The following CHMP5 variants were observed in gnomAD, a reference collection of about 807,000 sequenced individuals.
CHMP5 encodes SNF7 domain containing 2.
A neutral mutation model predicts 33.0 loss-of-function variants in CHMP5; 17 were observed. The ratio of observed to expected loss-of-function variants is 0.52; its 90% CI spans 0.35 to 0.77. The LOEUF (loss-of-function observed/expected upper bound fraction) is 0.77. Ranked by LOEUF, CHMP5 falls within the 30% of genes least tolerant of loss-of-function variation. CHMP5 has a pLI of 0.01. For synonymous variants in CHMP5, 76 were observed against 90.2 expected (o/e 0.84, Z 0.89); for missense variants, 216 against 261.5 (o/e 0.83, Z 1.20).
chr9:33,266,190 C>T (rs1188916243), intron 2 of CHMP5, 76 bp downstream of exon 2: 5 of 948,280 alleles, frequency 5.3e-6, no homozygotes, highest in Admixed American at 2.0e-5. Context: ...GGGCCTAGTT[C>T]GGCTGGGCGC....
intron 2 of CHMP5, among the ~76,000 whole-genome samples, chr9:33,267,109 G>C (rs1242888996): frequency 6.6e-6 from 1 of 152,208 alleles, no homozygotes; most frequent in African/African-American, 2.4e-5. Context: ...GGATAAAGTA[G>C]TACTCAGTAA....
intron 1 of CHMP5, 57 bp from the exon 2 acceptor site, chr9:33,265,953 C>T: frequency 8.9e-7 from 1 of 1,117,420 alleles, no homozygotes; most frequent in Non-Finnish European, 1.4e-6. Context: ...TCTACCTGCC[C>T]CTTCTGGAAT....
chr9:33,275,961 AT>A (rs1820849869), intron 5 of CHMP5, among the ~76,000 whole-genome samples: 1 of 152,222 alleles, frequency 6.6e-6, no homozygotes. Context: ...GTGAGCTGAG[AT>A]TGCACCATTG....
intron 4 of CHMP5, 115 bp from the exon 5 acceptor site, chr9:33,271,037 C>G: frequency 1.2e-6 from 1 of 832,316 alleles, no homozygotes; most frequent in Non-Finnish European, 1.9e-6. Context: ...AGCCATTGCA[C>G]TCCAGCCTGG....
At chr9:33,274,654 C>T (rs1168984945) in intron 5 of CHMP5, among the ~76,000 whole-genome samples, 1 of 152,110 alleles carries the variant, frequency 6.6e-6, no homozygotes, top group African/African-American at 2.4e-5. Flanking sequence ...CTCGCTCTGT[C>T]GCCCAGGCTA....
At position 33,265,124 on chromosome 9, in the gene CHMP5, A is replaced by G. The variant is rs766755613; in HGVS notation, c.46A>G (p.Ser16Gly). ...AGCGAAACCCAAGGCTCCGCCGCCC[A>G]GCCTGACTGACTGCATTGGCACGGT... ...GKAKPKAPPP[S>G]LTDCIGTVDS... The change falls in exon 1 of 8, where the codon AGC becomes GGC. Residue 16 changes from serine to glycine, a missense_variant. Transcript: ENST00000223500. 1.2e-6 allele frequency: 2 copies of G among 1,614,154 alleles called. No individual in the cohort carries two copies. The highest frequency in any genetic ancestry group is 2.2e-5 in the South Asian group (2 of 91,084).
intron 7 of CHMP5, 22 bp downstream of exon 7, chr9:33,278,247 A>C: frequency 7.2e-7 from 1 of 1,397,262 alleles, no homozygotes; most frequent in Non-Finnish European, 1.0e-6. Flanking sequence ...TTCTGTTTAT[A>C]TTTCAATGCA....
At chr9:33,279,577 G>A (rs978143744) in intron 7 of CHMP5, among the ~76,000 whole-genome samples, 3 of 152,054 alleles carry the variant, frequency 2.0e-5, no homozygotes, top group Admixed American at 6.6e-5. Flanking sequence ...ACAAGTCCCT[G>A]TAGCGGCCAG....
chr9:33,270,535 A>T (rs898655342), intron 3 of CHMP5, 88 bp from the exon 4 acceptor site: 112 of 981,140 alleles, frequency 1.1e-4, no homozygotes, highest in African/African-American at 1.5e-4. Flanking sequence ...TTTTTTTTTT[A>T]AATACTCTTA....
At chr9:33,269,905 T>C (rs1204457049) in intron 3 of CHMP5, among the ~76,000 whole-genome samples, 5 of 151,806 alleles carry the variant, frequency 3.3e-5, no homozygotes, top group Admixed American at 1.3e-4. Context: ...CCCAGGAAGG[T>C]GGAGGCTGCA....
intron 6 of CHMP5, 124 bp downstream of exon 6, chr9:33,276,688 C>T: frequency 1.6e-6 from 1 of 625,820 alleles, no homozygotes. Flanking sequence ...GTTTATGGTA[C>T]TGTCCCTGGG....
intron 7 of CHMP5, among the ~76,000 whole-genome samples, chr9:33,279,880 A>AC: frequency 6.6e-6 from 1 of 151,802 alleles, no homozygotes; most frequent in African/African-American, 2.4e-5. Context: ...AAAAAAAAAA[A>AC]AAAAAAAGTC....
At chr9:33,278,044 T>G in intron 6 of CHMP5, 69 bp from the exon 7 acceptor site, 1 of 963,398 alleles carries the variant, frequency 1.0e-6, no homozygotes, top group Non-Finnish European at 1.6e-6. Context: ...CATCGATAAA[T>G]GAGAGAAATT....
chr9:33,277,126 G>T (rs1292585216), intron 6 of CHMP5, among the ~76,000 whole-genome samples: 1 of 149,446 alleles, frequency 6.7e-6, no homozygotes, highest in Non-Finnish European at 1.5e-5. Flanking sequence ...ATCCCAGGAG[G>T]TAGAGGTTCC....
Position 33,268,729 on chromosome 9 carries a change from T to C in CHMP5, c.221+830T>C, listed in dbSNP as rs555967074. Among the ~76,000 whole-genome samples the C allele has an allele frequency of 2.0e-5, 3 of 152,316 alleles. No individual in the cohort carries two copies. In the East Asian group the frequency reaches 5.8e-4, roughly 29 times the overall value. On this transcript the variant is annotated intron_variant, in intron 3 of 7. Transcript: ENST00000223500. ...TTTTTTGTTATAAAAAGAATATAGG[T>C]TCATTGTAGAAACTTGGAAAATACA... is the stretch of plus-strand genomic sequence containing the variant.
intron 7 of CHMP5, among the ~76,000 whole-genome samples, chr9:33,280,479 G>A (rs1213341614): frequency 6.6e-6 from 1 of 152,166 alleles, no homozygotes; most frequent in African/African-American, 2.4e-5. Context: ...TGCAAATCTG[G>A]AGGCAAGGAC....
chr9:33,274,722 T>G (rs1820832866), intron 5 of CHMP5, among the ~76,000 whole-genome samples: 1 of 152,138 alleles, frequency 6.6e-6, no homozygotes. Flanking sequence ...TTCAAACGAT[T>G]TTCCTGCCTC....
chr9:33,270,582 T>G, intron 3 of CHMP5, 41 bp from the exon 4 acceptor site: 2 of 1,431,216 alleles, frequency 1.4e-6, no homozygotes, highest in African/African-American at 2.8e-5. Context: ...AGGATTTCTA[T>G]CTGGTTCATA....
At chr9:33,275,783 G>A (rs1022863778) in intron 5 of CHMP5, among the ~76,000 whole-genome samples, 2 of 152,150 alleles carry the variant, frequency 1.3e-5, no homozygotes, top group African/African-American at 2.4e-5. Context: ...GCTGAGGTGG[G>A]CAGATCACCT....
Sources: gnomAD v4.1 joint callset for allele counts (sites outside exome capture counted in the v4.1 genomes callset) on GRCh38, gnomAD v4.1.1 for gene constraint, MANE v1.5 for transcripts, NCBI Gene and HGNC (gene_info 2026-07-23, HGNC 2026-07-21) for gene names.